Variants in ADCY5 observed in about 807,000 individuals in gnomAD.
ADCY5 encodes the protein adenylate cyclase type 5.
In ADCY5, 30 loss-of-function variants were observed where a neutral mutation model predicts 119.7. That is an observed-to-expected ratio of 0.25 (90% CI 0.19 to 0.34). ADCY5 has a LOEUF of 0.34. Ranked by LOEUF, ADCY5 falls within the 10% of genes least tolerant of loss-of-function variation. The pLI, the probability that ADCY5 is intolerant of heterozygous loss-of-function variation, is 1.00. For synonymous variants in ADCY5, 753 were observed against 762.2 expected, an observed-to-expected ratio of 0.99 and a Z score of 0.20; for missense variants, 1,324 against 1,775.2, an observed-to-expected ratio of 0.75 and a Z score of 4.57.
chr3:123,330,964 G>A lies in ADCY5; in HGVS notation c.1571C>T (p.Ser524Leu), dbSNP rs1250075271. ...KILGDCYYCV[S>L]GLPEARADHA... is the part of the protein sequence containing the mutation. ...GTCAGCCCTTGCTTCAGGCAGCCCC[G>A]AGACGCAGTAATAACAATCCCCAAG... is the stretch of plus-strand genomic sequence containing the variant. The change falls in exon 5 of 21, where the codon TCG becomes TTG. Residue 524 changes from serine (S) to leucine (L), a missense_variant. Ser to Leu is a moderately radical substitution (Grantham distance 145, BLOSUM62 -2). Coordinates refer to ENST00000462833, the MANE Select transcript of ADCY5 (RefSeq NM_183357.3). 1.9e-6 allele frequency: 3 copies of A among 1,614,036 alleles called. No individual in the cohort carries two copies. Among genetic ancestry groups the A allele is most frequent in the Admixed American group, 1.7e-5 (1 of 60,014 alleles).
At chr3:123,418,818 T>C (rs914080102) in intron 1 of ADCY5, 1 of 152,178 alleles carries the variant, frequency 6.6e-6, no homozygotes, top group East Asian at 1.9e-4. Flanking sequence ...ACTGAAGGCT[T>C]GAATAGAGCA....
intron 1 of ADCY5, among the ~76,000 whole-genome samples, chr3:123,444,510 G>C (rs541789599): frequency 3.2e-4 from 48 of 152,174 alleles, no homozygotes; most frequent in Non-Finnish European, 4.9e-4. Context: ...CAGAGGGATG[G>C]AGAAGGGAAG....
At chr3:123,296,005 G>T in intron 17 of ADCY5, 79 bp downstream of exon 17, 1 of 1,571,890 alleles carries the variant, frequency 6.4e-7, no homozygotes. Flanking sequence ...GCTTGGCCTG[G>T]CCCAGCAGAC....
At chr3:123,325,595 C>T in intron 7 of ADCY5, 133 bp from the exon 8 acceptor site, 1 of 1,202,364 alleles carries the variant, frequency 8.3e-7, no homozygotes, top group Non-Finnish European at 1.2e-6. Context: ...AGCCCTGGAG[C>T]CAGAGCTCGG....
Position 123,327,615 on chromosome 3 carries a change from G to C in ADCY5, c.1947+3C>G. On this transcript the variant is annotated splice_donor_region_variant and intron_variant, in intron 7 of 20. Transcript: ENST00000462833. ...TCAGCCCCCCGGCCCCCAGCCCACA[G>C]ACCCGCTTCTGGGTGCAGCGCAGGA... The C allele has an allele frequency of 6.2e-7, 1 of 1,613,010 alleles. No individual in the cohort carries two copies. Among genetic ancestry groups the C allele is most frequent in the Non-Finnish European group, 8.5e-7 (1 of 1,179,394 alleles).
intron 1 of ADCY5, among the ~76,000 whole-genome samples, chr3:123,434,824 C>T (rs1296355239): frequency 6.6e-6 from 1 of 152,132 alleles, no homozygotes; most frequent in Non-Finnish European, 1.5e-5. Flanking sequence ...ATTACCCATA[C>T]AACCACCCTA....
intron 1 of ADCY5, among the ~76,000 whole-genome samples, chr3:123,371,034 A>AG (rs1943620677): frequency 6.6e-6 from 1 of 152,246 alleles, no homozygotes; most frequent in Non-Finnish European, 1.5e-5. Context: ...GCAGAGACAA[A>AG]GCAGACAGAG....
chr3:123,399,083 A>C (rs895786481), intron 1 of ADCY5, among the ~76,000 whole-genome samples: 1 of 152,168 alleles, frequency 6.6e-6, no homozygotes, highest in African/African-American at 2.4e-5. Flanking sequence ...TGGCTTCTCT[A>C]AGGGTTCCAA....
intron 19 of ADCY5, 68 bp downstream of exon 19, chr3:123,289,681 TG>T: frequency 2.6e-6 from 4 of 1,561,538 alleles, no homozygotes; most frequent in East Asian, 4.5e-5. Context: ...GTATGGGGTA[TG>T]GGGGAGCCCC....
At chr3:123,325,205 T>C in intron 8 of ADCY5, 117 bp downstream of exon 8, 1 of 1,362,308 alleles carries the variant, frequency 7.3e-7, no homozygotes, top group East Asian at 2.4e-5. Context: ...TTGTATTTGC[T>C]TGTGTGGCTC....
chr3:123,443,198 G>C (rs894964898), intron 1 of ADCY5, among the ~76,000 whole-genome samples: 3 of 152,150 alleles, frequency 2.0e-5, no homozygotes. Flanking sequence ...TGAGCAGGTA[G>C]GTAGCAGGAA....
chr3:123,369,159 TAAG>T (rs920967266), intron 1 of ADCY5, among the ~76,000 whole-genome samples: 3 of 150,996 alleles, frequency 2.0e-5, no homozygotes, highest in African/African-American at 7.3e-5. Context: ...GGTGGCTTTA[TAAG>T]AAGAGGAGAA....
At chr3:123,290,690 G>C (rs1387785975) in intron 18 of ADCY5, among the ~76,000 whole-genome samples, 1 of 152,088 alleles carries the variant, frequency 6.6e-6, no homozygotes, top group East Asian at 1.9e-4. Context: ...CCTTCCTTTG[G>C]TTCTCTCAAA....
chr3:123,438,574 T>C (rs1027288130), intron 1 of ADCY5, among the ~76,000 whole-genome samples: 2 of 152,186 alleles, frequency 1.3e-5, no homozygotes, highest in Admixed American at 6.5e-5. Flanking sequence ...AGATCCACGC[T>C]GTACATGATA....
intron 1 of ADCY5, among the ~76,000 whole-genome samples, chr3:123,392,774 C>G (rs1944432602): frequency 6.6e-6 from 1 of 152,194 alleles, no homozygotes; most frequent in Middle Eastern, 3.2e-3. Flanking sequence ...CACCACCTCC[C>G]TCTCTTGCAC....
intron 20 of ADCY5, among the ~76,000 whole-genome samples, chr3:123,285,147 C>T (rs771178069): frequency 1.3e-5 from 2 of 152,176 alleles, no homozygotes; most frequent in South Asian, 2.1e-4. Context: ...ACAAAAGCAT[C>T]CCTCCGTGAC....
Position 123,427,407 on chromosome 3 carries a change from G to A in ADCY5, c.1134+20005C>T, listed in dbSNP as rs557710870. On this transcript the variant is annotated intron_variant, in intron 1 of 20. Coordinates refer to ENST00000462833, the MANE Select transcript of ADCY5 (RefSeq NM_183357.3). The stretch of plus-strand genomic sequence containing the variant: ...CCAGTCCCACTTACCAGCCAGCCTC[G>A]CCTTTCCACCATATTCCTTGGCCAC... 3.2e-4 allele frequency among the ~76,000 whole-genome samples: 49 copies of A among 152,200 alleles called. 1 individual carries two copies. The South Asian group carries it at 7.1e-3, about 22-fold the overall frequency.
At chr3:123,292,510 G>A (rs574296361) in intron 17 of ADCY5, among the ~76,000 whole-genome samples, 1 of 152,268 alleles carries the variant, frequency 6.6e-6, no homozygotes, top group East Asian at 1.9e-4. Flanking sequence ...TCATCCCGAG[G>A]GCTTCTGGAC....
At chr3:123,441,746 C>T (rs1945725557) in intron 1 of ADCY5, among the ~76,000 whole-genome samples, 1 of 152,172 alleles carries the variant, frequency 6.6e-6, no homozygotes, top group Non-Finnish European at 1.5e-5. Flanking sequence ...TGGTCACTCT[C>T]CTTTGAAGTC....
Sources: allele counts gnomAD v4.1 joint callset (sites outside exome capture counted in the v4.1 genomes callset), GRCh38; gene constraint gnomAD v4.1.1; transcripts MANE v1.5; gene names NCBI Gene and HGNC (gene_info 2026-07-23, HGNC 2026-07-21).